KCNN2: variants seen among roughly 807,000 people sequenced by gnomAD.
KCNN2 encodes potassium calcium-activated channel subfamily N member 2, also known as small conductance calcium-activated potassium channel protein 2.
In KCNN2, 24 loss-of-function variants were observed where a neutral mutation model predicts 55.5. The observed-to-expected ratio is 0.43, with a 90% CI of 0.31 to 0.61. The LOEUF (loss-of-function observed/expected upper bound fraction) is 0.61, where lower values mean the gene tolerates loss of function less well. Ranked by LOEUF, KCNN2 falls within the 20% of genes least tolerant of loss-of-function variation. KCNN2 has a pLI of 0.08. For missense variants in KCNN2, 754 were observed against 853.6 expected (o/e 0.88, Z 1.45); for synonymous variants, 431 against 336.1 (o/e 1.28, Z -3.09).
chr5:114,475,503 T>C (rs1471796909), intron 5 of KCNN2, among the ~76,000 whole-genome samples: 7 of 152,336 alleles, frequency 4.6e-5, no homozygotes, highest in Middle Eastern at 3.4e-3. Context: ...CTGAGTCTAC[T>C]GAATATATTG....
intron 1 of KCNN2, among the ~76,000 whole-genome samples, chr5:114,142,368 G>A (rs1173065844): frequency 1.3e-5 from 2 of 152,064 alleles, no homozygotes; most frequent in African/African-American, 2.4e-5. Context: ...AGTTTTCCCA[G>A]CACCATTTAT....
At chr5:114,282,209 C>G (rs1049559707) in intron 2 of KCNN2, among the ~76,000 whole-genome samples, 4 of 151,858 alleles carry the variant, frequency 2.6e-5, no homozygotes, top group African/African-American at 9.7e-5. Context: ...TTTCTAATTT[C>G]TTTCTTTCTC....
chr5:114,436,931 T>G (rs559880605), intron 3 of KCNN2, among the ~76,000 whole-genome samples: 96 of 152,334 alleles, frequency 6.3e-4, no homozygotes, highest in Non-Finnish European at 1.1e-3. Context: ...TTTATTTAAT[T>G]TTACTTAAAT....
intron 2 of KCNN2, among the ~76,000 whole-genome samples, chr5:114,317,386 CT>C (rs1756521849): frequency 6.6e-6 from 1 of 152,158 alleles, no homozygotes; most frequent in Non-Finnish European, 1.5e-5. Flanking sequence ...CACAAGGTAA[CT>C]TTGACTTCAG....
chr5:114,432,682 G>A (rs989332625), intron 3 of KCNN2, among the ~76,000 whole-genome samples: 1 of 152,186 alleles, frequency 6.6e-6, no homozygotes, highest in Admixed American at 6.5e-5. Context: ...AGGTGTAGAG[G>A]GAGAGGCGCG....
chr5:114,071,948 T>C (rs1021690062), intron 1 of KCNN2, among the ~76,000 whole-genome samples: 2 of 152,230 alleles, frequency 1.3e-5, no homozygotes, highest in Middle Eastern at 3.4e-3. Context: ...CTTGGACTGA[T>C]GTTATTGTTG....
chr5:114,274,021 G>A (rs946626496), intron 2 of KCNN2, among the ~76,000 whole-genome samples: 4 of 152,130 alleles, frequency 2.6e-5, no homozygotes, highest in African/African-American at 9.7e-5. Flanking sequence ...TTTGTATAAG[G>A]TGTAAGGAAG....
At chr5:114,246,367 C>A (rs1754748598) in intron 2 of KCNN2, among the ~76,000 whole-genome samples, 1 of 152,076 alleles carries the variant, frequency 6.6e-6, no homozygotes, top group South Asian at 2.1e-4. Context: ...TGTAGAGAAA[C>A]CATTATGTTG....
intron 1 of KCNN2, among the ~76,000 whole-genome samples, chr5:114,217,361 G>A (rs148770214): frequency 6.6e-6 from 1 of 152,096 alleles, no homozygotes; most frequent in Non-Finnish European, 1.5e-5. Context: ...TAAATCTACA[G>A]TAATCAAGAT....
intron 2 of KCNN2, among the ~76,000 whole-genome samples, chr5:114,261,226 G>A (rs1580670113): frequency 1.3e-5 from 2 of 152,174 alleles, no homozygotes; most frequent in East Asian, 3.9e-4. Context: ...GGTGAAATCA[G>A]TAGTGTCAAG....
chr5:114,152,871 G>T (rs1446978988), intron 1 of KCNN2, among the ~76,000 whole-genome samples: 1 of 152,124 alleles, frequency 6.6e-6, no homozygotes, highest in Non-Finnish European at 1.5e-5. Context: ...GACCAAGGTG[G>T]CTAAAGTACA....
intron 1 of KCNN2, among the ~76,000 whole-genome samples, chr5:114,096,916 C>G (rs955422246): frequency 6.6e-6 from 1 of 152,148 alleles, no homozygotes; most frequent in Non-Finnish European, 1.5e-5. Flanking sequence ...CTTTCCATTA[C>G]TCCAGTGGAG....
intron 1 of KCNN2, among the ~76,000 whole-genome samples, chr5:114,098,970 T>C (rs148615574): frequency 9.9e-4 from 151 of 152,120 alleles, no homozygotes; most frequent in Non-Finnish European, 1.8e-3. Context: ...TCCACAAATA[T>C]CCCTCCCAGC....
intron 1 of KCNN2, among the ~76,000 whole-genome samples, chr5:114,152,353 T>C (rs1752545619): frequency 6.6e-6 from 1 of 152,238 alleles, no homozygotes; most frequent in African/African-American, 2.4e-5. Context: ...TTCTTGAAAA[T>C]ACTTGTTTGG....
chr5:114,291,711 T>C (rs1186458869), intron 2 of KCNN2, among the ~76,000 whole-genome samples: 1 of 152,238 alleles, frequency 6.6e-6, no homozygotes, highest in Non-Finnish European at 1.5e-5. Flanking sequence ...TACCCAGTAA[T>C]GGGATGGCTA....
intron 1 of KCNN2, among the ~76,000 whole-genome samples, chr5:114,137,866 G>T (rs1305485059): frequency 6.6e-6 from 1 of 152,130 alleles, no homozygotes; most frequent in Non-Finnish European, 1.5e-5. Flanking sequence ...GAAACAATAG[G>T]AAGTGTAATT....
At chr5:114,254,306 A>G (rs1375281797) in intron 2 of KCNN2, among the ~76,000 whole-genome samples, 2 of 152,228 alleles carry the variant, frequency 1.3e-5, no homozygotes, top group Non-Finnish European at 2.9e-5. Flanking sequence ...CATCTCCACA[A>G]GAAGAGGAAA....
intron 2 of KCNN2, among the ~76,000 whole-genome samples, chr5:114,235,303 T>A (rs1754468113): frequency 6.6e-6 from 1 of 152,190 alleles, no homozygotes; most frequent in Non-Finnish European, 1.5e-5. Flanking sequence ...ATAAAACATT[T>A]GAGGGTGAGA....
intron 3 of KCNN2, among the ~76,000 whole-genome samples, chr5:114,409,132 C>T (rs886199786): frequency 2.0e-5 from 3 of 152,038 alleles, no homozygotes; most frequent in Non-Finnish European, 4.4e-5. Context: ...GTCTTTTTGC[C>T]TTAGTTTATT....
Sources: gnomAD v4.1 joint callset for allele counts (sites outside exome capture counted in the v4.1 genomes callset) on GRCh38, gnomAD v4.1.1 for gene constraint, MANE v1.5 for transcripts, NCBI Gene and HGNC (gene_info 2026-07-23, HGNC 2026-07-21) for gene names.